MTUS1: variants seen among roughly 807,000 people sequenced by gnomAD.
The protein encoded by MTUS1 is microtubule-associated tumor suppressor 1.
Under a neutral mutation model 120.8 loss-of-function variants are expected in MTUS1, and 109 were observed. The ratio of observed to expected loss-of-function variants is 0.90; its 90% CI spans 0.77 to 1.06. The LOEUF (loss-of-function observed/expected upper bound fraction) is 1.06, where lower values mean the gene tolerates loss of function less well. MTUS1 is among the 50% of genes least tolerant of loss of function. The pLI is 0.00. For missense variants in MTUS1, 2,210 were observed against 1,486.3 expected (o/e 1.49, Z -8.01); for synonymous variants, 737 against 550.5 (o/e 1.34, Z -4.74).
chr8:17,717,457 GAC>G (rs1381534169), intron 4 of MTUS1, among the ~76,000 whole-genome samples: 1 of 152,158 alleles, frequency 6.6e-6, no homozygotes, highest in Non-Finnish European at 1.5e-5. Context: ...AAGAAAATTA[GAC>G]AGTCTTAACC....
At chr8:17,684,983 C>G (rs1395604039) in intron 6 of MTUS1, among the ~76,000 whole-genome samples, 1 of 152,200 alleles carries the variant, frequency 6.6e-6, no homozygotes, top group East Asian at 1.9e-4. Flanking sequence ...CATACATTTT[C>G]TACAAATCTT....
intron 6 of MTUS1, 76 bp from the exon 7 acceptor site, chr8:17,684,618 C>T (rs925411393): frequency 7.7e-6 from 9 of 1,162,598 alleles, no homozygotes; most frequent in African/African-American, 4.5e-5. Flanking sequence ...GATTCAAAAA[C>T]AACCAGATAA....
intron 1 of MTUS1, among the ~76,000 whole-genome samples, chr8:17,775,143 GGAT>G (rs1044744808): frequency 3.9e-5 from 6 of 152,160 alleles, no homozygotes; most frequent in Middle Eastern, 3.4e-3. Context: ...TTTCTGTGTG[GGAT>G]GATGAACAAG....
chr8:17,653,472 T>C lies in MTUS1; in HGVS notation c.3241A>G (p.Lys1081Glu), dbSNP rs1345828806. Residue 1081 changes from lysine to glutamate, a missense_variant, in exon 11 of 15, where the codon AAG (lysine) becomes GAG (glutamate). Physicochemically the swap from Lys to Glu is moderately conservative, Grantham distance 56. Transcript: ENST00000693296. ...GAAAGTAAATCTTCAAGCGATTTCT[T>C]TTCTATTTCATGGCCTTTCTTAATT... is the stretch of plus-strand genomic sequence containing the variant. ...SEIKKGHEIE[K>E]KSLEDLLSEK... The C allele has an allele frequency of 1.2e-6, 2 of 1,612,448 alleles. No individual in the cohort carries two copies. Among genetic ancestry groups the C allele is most frequent in the African/African-American group, 2.7e-5 (2 of 74,980 alleles).
Position 17,743,623 on chromosome 8 carries a change from G to C in MTUS1, c.2268C>G (p.Ile756Met), listed in dbSNP as rs540889226. The C allele has an allele frequency of 6.2e-7, 1 of 1,613,964 alleles. No individual in the cohort carries two copies. Among genetic ancestry groups the C allele is most frequent in the Admixed American group, 1.7e-5 (1 of 59,990 alleles). The change falls in exon 3 of 15, where the codon ATC becomes ATG. Residue 756 changes from isoleucine to methionine, a missense_variant. By Grantham distance (10) the Ile-to-Met change is conservative. Transcript: ENST00000693296. Reference sequence around the variant, plus strand: ...TCTTACCAGAACTGGACACACGCCTGATCCTCTGAGGAGATACGGCTCGAT... The same window carrying C: ...TCTTACCAGAACTGGACACACGCCTCATCCTCTGAGGAGATACGGCTCGAT... ...SADRAVSPQR[I>M]RRVSSSGKPT...
At chr8:17,772,691 T>C (rs2050105669) in intron 1 of MTUS1, among the ~76,000 whole-genome samples, 1 of 152,244 alleles carries the variant, frequency 6.6e-6, no homozygotes, top group Non-Finnish European at 1.5e-5. Context: ...CTTCTTCTTA[T>C]AACCCACTAT....
intron 7 of MTUS1, among the ~76,000 whole-genome samples, chr8:17,677,554 T>C (rs1014238921): frequency 1.3e-5 from 2 of 152,220 alleles, no homozygotes; most frequent in Non-Finnish European, 2.9e-5. Flanking sequence ...CATTATGTTC[T>C]ACTGCAAAAA....
At chr8:17,767,242 T>C (rs564972129) in intron 1 of MTUS1, among the ~76,000 whole-genome samples, 1 of 151,626 alleles carries the variant, frequency 6.6e-6, no homozygotes, top group Non-Finnish European at 1.5e-5. Context: ...TTCATAAATC[T>C]TTTAGTTATA....
Position 17,755,009 on chromosome 8 carries a change from A to T in MTUS1, c.799T>A (p.Ser267Thr), listed in dbSNP as rs61733696. 1.2e-6 allele frequency: 2 copies of T among 1,614,078 alleles called. No homozygotes were observed. The highest frequency in any genetic ancestry group is 1.7e-6 in the Non-Finnish European group (2 of 1,180,026). ...TACTCACTGGTGACCTTTCCTGAAGAACATGCACACTGATTTCCAATATCT... is the reference window on the plus strand; with the variant it reads ...TACTCACTGGTGACCTTTCCTGAAGTACATGCACACTGATTTCCAATATCT... Reference protein sequence around the residue: ...VSDIGNQCACSSGKVTSEYTD... With the variant: ...VSDIGNQCACTSGKVTSEYTD... The change falls in exon 2 of 15, where the codon TCT (serine) becomes ACT (threonine). Residue 267 changes from serine (S) to threonine (T), a missense_variant. Physicochemically the swap from Ser to Thr is moderately conservative, Grantham distance 58 (BLOSUM62 1). Coordinates refer to ENST00000693296, the MANE Select transcript of MTUS1 (RefSeq NM_001363059.2).
chr8:17,667,731 T>C (rs748289616), intron 8 of MTUS1, among the ~76,000 whole-genome samples: 1 of 152,362 alleles, frequency 6.6e-6, no homozygotes, highest in African/African-American at 2.4e-5. Context: ...TACCAGAAGA[T>C]TGGTGGTCTA....
At chr8:17,791,813 T>C (rs1354721623) in intron 1 of MTUS1, among the ~76,000 whole-genome samples, 2 of 152,160 alleles carry the variant, frequency 1.3e-5, no homozygotes, top group Admixed American at 6.5e-5. Context: ...GCAGCAGAAA[T>C]TAAATGAAAC....
chr8:17,714,317 AAC>A (rs1048087660), intron 5 of MTUS1, among the ~76,000 whole-genome samples: 1 of 152,142 alleles, frequency 6.6e-6, no homozygotes, highest in East Asian at 1.9e-4. Flanking sequence ...TTATCCTTTA[AAC>A]ACACACACAG....
At chr8:17,731,550 A>G (rs572823942) in intron 3 of MTUS1, among the ~76,000 whole-genome samples, 80 of 152,332 alleles carry the variant, frequency 5.3e-4, no homozygotes, top group African/African-American at 1.9e-3. Flanking sequence ...AAAAATAATT[A>G]AACATAGGTC....
rs187469483 is a variant in MTUS1, at chr8:17,685,628, G to A, written c.2624-1086C>T. On this transcript the variant is annotated intron_variant, in intron 6 of 14. Transcript: ENST00000693296. ...CAAGCTACTACAGTGATTGCTTAAAGAAACATCAGTACTCACTTTCTAAGA... is the reference window on the plus strand; with the variant it reads ...CAAGCTACTACAGTGATTGCTTAAAAAAACATCAGTACTCACTTTCTAAGA... 7.0e-3 allele frequency among the ~76,000 whole-genome samples: 1,068 copies of A among 152,180 alleles called. 3 individuals carry two copies. The highest frequency in any genetic ancestry group is 0.011 in the Non-Finnish European group (755 of 67,996).
intron 6 of MTUS1, among the ~76,000 whole-genome samples, chr8:17,685,808 T>G (rs77430266): frequency 0.012 from 1,838 of 152,364 alleles, 38 homozygotes; most frequent in African/African-American, 0.041. Context: ...ATTGTCCCAC[T>G]GTGTCTCTGT....
chr8:17,656,617 C>G (rs1370663166), intron 8 of MTUS1, among the ~76,000 whole-genome samples: 2 of 142,972 alleles, frequency 1.4e-5, no homozygotes, highest in East Asian at 2.2e-4. Flanking sequence ...ACCCAGGTTT[C>G]TAAGAGAAGA....
chr8:17,675,584 C>T (rs563419885), intron 7 of MTUS1, among the ~76,000 whole-genome samples: 2 of 152,254 alleles, frequency 1.3e-5, no homozygotes, highest in South Asian at 4.1e-4. Context: ...AGATGTAATG[C>T]GTTCTCCTCC....
intron 1 of MTUS1, among the ~76,000 whole-genome samples, chr8:17,756,633 T>C (rs1190688817): frequency 6.7e-6 from 1 of 148,844 alleles, no homozygotes; most frequent in Non-Finnish European, 1.5e-5. Flanking sequence ...TACACTAAAC[T>C]GTTCCCCACC....
At chr8:17,682,976 T>C (rs1383446015) in intron 7 of MTUS1, among the ~76,000 whole-genome samples, 3 of 151,948 alleles carry the variant, frequency 2.0e-5, no homozygotes, top group Non-Finnish European at 2.9e-5. Flanking sequence ...AAAATACTCA[T>C]CAAGAAATCA....
Sources: gnomAD v4.1 joint callset for allele counts (sites outside exome capture counted in the v4.1 genomes callset) on GRCh38, gnomAD v4.1.1 for gene constraint, MANE v1.5 for transcripts, NCBI Gene and HGNC (gene_info 2026-07-23, HGNC 2026-07-21) for gene names.